UNC13D: variants seen among roughly 807,000 people sequenced by gnomAD.
UNC13D encodes unc-13 homolog D, also known as protein unc-13 homolog D.
In UNC13D, 115 loss-of-function variants were observed where a neutral mutation model predicts 151.7. The observed-to-expected ratio is 0.76, with a 90% CI of 0.65 to 0.88. The LOEUF is 0.88. UNC13D is among the 40% of genes least tolerant of loss of function. UNC13D has a pLI of 0.00. For synonymous variants in UNC13D, 588 were observed against 612.2 expected, an observed-to-expected ratio of 0.96 and a Z score of 0.58; for missense variants, 1,369 against 1,438.7, an observed-to-expected ratio of 0.95 and a Z score of 0.78.
rs1567822165 is a variant in UNC13D at position 75,842,458 on chromosome 17, G to A, written c.544C>T (p.Pro182Ser). ...AGGATGAAGGTCTCGTCCCAGACGG[G>A]GTTGAGTGTCTGGGTGATGACCTGC... ...RTQVITQTLN[P>S]VWDETFILEF... Residue 182 changes from proline to serine, a missense_variant, in exon 6 of 32, where the codon CCC (proline) becomes TCC (serine). By Grantham distance (74) the Pro-to-Ser change is moderately conservative. Coordinates refer to ENST00000207549, the MANE Select transcript of UNC13D (RefSeq NM_199242.3). 5.0e-6 allele frequency: 8 copies of A among 1,613,232 alleles called. No individual in the cohort carries two copies. The highest frequency in any genetic ancestry group is 6.8e-6 in the Non-Finnish European group (8 of 1,179,828).
intron 2 of UNC13D, 71 bp from the exon 3 acceptor site, chr17:75,843,337 G>A: frequency 6.3e-7 from 1 of 1,587,940 alleles, no homozygotes; most frequent in Admixed American, 1.7e-5. Flanking sequence ...GCCATGGGCA[G>A]GACAAGGGCG....
At position 75,840,720 on chromosome 17, in the gene UNC13D, A is replaced by T; in HGVS notation, c.683+42T>A. The T allele has an allele frequency of 6.2e-7, 1 of 1,613,272 alleles. No homozygotes were observed. The highest frequency in any genetic ancestry group is 8.5e-7 in the Non-Finnish European group (1 of 1,179,650). On this transcript the variant is annotated intron_variant, in intron 8 of 31. Coordinates refer to ENST00000207549, the MANE Select transcript of UNC13D (RefSeq NM_199242.3). The surrounding 1 kb of genome is among the most constrained non-coding windows in gnomAD (Gnocchi z 4.6). ...GTGCATGTTGGGGGATGGAGGGCAA[A>T]AGGAGCCCCAACCCCTTCCCTGTGA... is the stretch of plus-strand genomic sequence containing the variant.
In UNC13D at chr17:75,836,668, G is replaced by C. The variant is rs758867274; in HGVS notation, c.1202C>G (p.Ser401Cys). ...GAGGGAGAGGCCGTAGGTCAGCAGGGAGCTGAATGAGGCGGCCAGCTCCTC... is the reference window on the plus strand; with the variant it reads ...GAGGGAGAGGCCGTAGGTCAGCAGGCAGCTGAATGAGGCGGCCAGCTCCTC... The part of the protein sequence containing the change: ...QQEELAASFS[S>C]LLTYGLSLIR... Residue 401 changes from serine (S) to cysteine (C), a missense_variant, in exon 14 of 32, where the codon TCC (serine) becomes TGC (cysteine). Physicochemically the swap from Ser to Cys is moderately radical, Grantham distance 112. Around this residue, in one of 3 missense-constraint regions of UNC13D, gnomAD observed 550 missense variants for 609.0 expected, o/e 0.90. Coordinates refer to ENST00000207549, the MANE Select transcript of UNC13D (RefSeq NM_199242.3). 5.6e-6 allele frequency: 9 copies of C among 1,613,750 alleles called. No individual in the cohort carries two copies. In the South Asian group the frequency reaches 8.8e-5, roughly 16 times the overall value.
rs1431281934 is a variant in UNC13D, at chr17:75,832,810, G to GA, written c.2447+155dup. The GA allele has an allele frequency of 1.4e-6, 1 of 694,988 alleles. No homozygotes were observed. The highest frequency in any genetic ancestry group is 2.8e-5 in the East Asian group (1 of 35,260). The allele number at this position is 694,988 out of a possible 1,614,324, so 43.1% of individuals were successfully genotyped here. A position where few individuals can be genotyped will look rare whatever the true frequency, so the allele number is the denominator to read the frequency against. Reference sequence around the variant, plus strand: ...CCTCAGAACGGATGCTGAGGCCCAGGAAAGAGGGGCCGTGGGAGGAGAGGG... The same window carrying GA: ...CCTCAGAACGGATGCTGAGGCCCAGGAAAAGAGGGGCCGTGGGAGGAGAGGG... On this transcript the variant is annotated intron_variant, in intron 25 of 31. Coordinates refer to ENST00000207549, the MANE Select transcript of UNC13D (RefSeq NM_199242.3). The surrounding 1 kb of genome is among the most constrained non-coding windows in gnomAD (Gnocchi z 4.3).
intron 12 of UNC13D, among the ~76,000 whole-genome samples, chr17:75,838,871 C>A (rs925616505): frequency 6.6e-6 from 1 of 152,164 alleles, no homozygotes; most frequent in Non-Finnish European, 1.5e-5. Context: ...GAGGCCAAGG[C>A]GGGCGGATCA....
In UNC13D at chr17:75,842,476, T is replaced by C. The variant is rs746667038; in HGVS notation, c.526A>G (p.Ile176Val). The C allele has an allele frequency of 6.2e-7, 1 of 1,613,456 alleles. No individual in the cohort carries two copies. The highest frequency in any genetic ancestry group is 1.1e-5 in the South Asian group (1 of 91,074). ...CAGACGGGGTTGAGTGTCTGGGTGATGACCTGCGTGCGGTGGGTCTCCTCC... is the reference window on the plus strand; with the variant it reads ...CAGACGGGGTTGAGTGTCTGGGTGACGACCTGCGTGCGGTGGGTCTCCTCC... ...PEEETHRTQVITQTLNPVWDE... is the reference protein window; with the variant it reads ...PEEETHRTQVVTQTLNPVWDE... The change falls in exon 6 of 32, where the codon ATC (isoleucine) becomes GTC (valine). Residue 176 changes from isoleucine to valine, a missense_variant. Physicochemically the swap from Ile to Val is conservative, Grantham distance 29 (BLOSUM62 3). Transcript: ENST00000207549.
rs121434352 is a variant in UNC13D, at chr17:75,840,317, G to A, written c.766C>T (p.Arg256Ter). 1.4e-5 allele frequency: 23 copies of A among 1,613,588 alleles called. No individual in the cohort carries two copies. The highest frequency in any genetic ancestry group is 1.7e-5 in the Non-Finnish European group (20 of 1,180,006). Residue 256 changes from arginine to a stop codon, truncating the protein, a stop_gained, in exon 10 of 32, where the codon CGA becomes TGA. Transcript: ENST00000207549. LOFTEE classifies it high-confidence loss of function. This position sits in a 1 kb window ranked among gnomAD's most constrained non-coding sequence, Gnocchi z 4.6. ...VVLRLQDLRCREDQWYPLEPR... is the reference protein window; with the variant it reads ...VVLRLQDLRC Reference sequence around the variant, plus strand: ...TCCAGGGGGTACCACTGGTCCTCTCGGCAGCGCAGGTCCTGACAGGCGGGG... The same window carrying A: ...TCCAGGGGGTACCACTGGTCCTCTCAGCAGCGCAGGTCCTGACAGGCGGGG...
chr17:75,842,530 T>C lies in UNC13D; in HGVS notation c.472A>G (p.Lys158Glu), dbSNP rs746613799. ...GGSPGSRHRQ[K>E]AVVRHTIPEE... ...GGGATGGTGTGCCTCACCACAGCCT[T>C]CTGCCGATGCCGGGACCCGGGGCTG... The change falls in exon 6 of 32, where the codon AAG (lysine) becomes GAG (glutamate). Residue 158 changes from lysine to glutamate, a missense_variant. Lys to Glu is a moderately conservative substitution (Grantham distance 56). Coordinates refer to ENST00000207549, the MANE Select transcript of UNC13D (RefSeq NM_199242.3). 1 of 1,612,856 alleles carries C rather than the reference T, an allele frequency of 6.2e-7. No homozygotes were observed. The highest frequency in any genetic ancestry group is 2.2e-5 in the East Asian group (1 of 44,864).
At chr17:75,830,933 T>G (rs2064867817) in intron 27 of UNC13D, among the ~76,000 whole-genome samples, 165 bp downstream of exon 27, 1 of 152,114 alleles carries the variant, frequency 6.6e-6, no homozygotes, top group African/African-American at 2.4e-5. Context: ...TGGTTTCAGG[T>G]TCTGTCGTCA....
At chr17:75,835,572 C>A in intron 19 of UNC13D, 43 bp from the exon 20 acceptor site, 2 of 1,608,358 alleles carry the variant, frequency 1.2e-6, no homozygotes, top group Non-Finnish European at 8.5e-7. Flanking sequence ...CTGGGGCCAC[C>A]ATGGACCCTG....
intron 12 of UNC13D, among the ~76,000 whole-genome samples, 160 bp from the exon 13 acceptor site, chr17:75,837,078 T>A (rs2064914638): frequency 6.6e-6 from 1 of 151,432 alleles, no homozygotes; most frequent in Non-Finnish European, 1.5e-5. Flanking sequence ...TTGTGTTTTT[T>A]TTTTTGAGAT....
At position 75,835,446 on chromosome 17, in the gene UNC13D, G is replaced by A. The variant is rs1358177458; in HGVS notation, c.1811C>T (p.Ala604Val). The A allele has an allele frequency of 4.3e-6, 7 of 1,612,824 alleles. No homozygotes were observed. Among genetic ancestry groups the A allele is most frequent in the Non-Finnish European group, 5.9e-6 (7 of 1,179,772 alleles). The change falls in exon 20 of 32, where the codon GCC (alanine) becomes GTC (valine). Residue 604 changes from alanine (A) to valine (V), a missense_variant. This residue lies in a region of UNC13D where 807 missense variants were observed against 795.5 expected (regional missense o/e 1.01). Transcript: ENST00000207549. ...CACAGCGCGCTGCACCCGCGCCAGG[G>A]CCTCGTTGTACGTCTTCTGCAGCCA... ...PSWLQKTYNE[A>V]LARVQRAVQM...
At chr17:75,839,042 G>A (rs1206604623) in intron 12 of UNC13D, among the ~76,000 whole-genome samples, 1 of 151,460 alleles carries the variant, frequency 6.6e-6, no homozygotes, top group Non-Finnish European at 1.5e-5. Flanking sequence ...GGAGCCTGCA[G>A]TGAGCCAAGA....
intron 12 of UNC13D, among the ~76,000 whole-genome samples, chr17:75,839,406 CAA>C (rs34913290): frequency 0.18 from 19,755 of 110,698 alleles, 1,971 homozygotes; most frequent in East Asian, 0.38. Flanking sequence ...AACTCCGTTT[CAA>C]AAAAAAAAAA....
rs7223416 is a variant in UNC13D, at chr17:75,840,081, C to G, written c.888G>C (p.Pro296=). The G allele has an allele frequency of 0.35, 562,183 of 1,612,518 alleles. 107,485 individuals are homozygous for G. The highest frequency in any genetic ancestry group is 0.8 in the African/African-American group (59,699 of 74,990). The change falls in exon 11 of 32, where the codon CCG becomes CCC. Residue 296 remains proline, a synonymous_variant. Transcript: ENST00000207549. This position sits in a 1 kb window ranked among gnomAD's most constrained non-coding sequence, Gnocchi z 4.6. ...GGAGGTGGAGGTGCACGGTGTAGCTCGGCTGCGAGCGGCTGGCCGAAGTGG... is the reference window on the plus strand; with the variant it reads ...GGAGGTGGAGGTGCACGGTGTAGCTGGGCTGCGAGCGGCTGGCCGAAGTGG... ...RRATSASRSQ[P]SYTVHLHLLQ... is the part of the protein sequence containing the mutation.
chr17:75,843,943 C>T, intron 1 of UNC13D: 1 of 1,390,768 alleles, frequency 7.2e-7, no homozygotes, highest in South Asian at 1.6e-5. Context: ...GTCGGCTCTT[C>T]TGAAGCTGGA....
rs1056602334 is a variant in UNC13D at position 75,832,820 on chromosome 17, C to T, written c.2447+146G>A. Reference sequence around the variant, plus strand: ...GATGCTGAGGCCCAGGAAAGAGGGGCCGTGGGAGGAGAGGGGGAGGTGGCG... The same window carrying T: ...GATGCTGAGGCCCAGGAAAGAGGGGTCGTGGGAGGAGAGGGGGAGGTGGCG... On this transcript the variant is annotated intron_variant, in intron 25 of 31. Coordinates refer to ENST00000207549, the MANE Select transcript of UNC13D (RefSeq NM_199242.3). The surrounding 1 kb of genome is among the most constrained non-coding windows in gnomAD (Gnocchi z 4.3). The T allele has an allele frequency of 2.8e-6, 2 of 717,174 alleles. No homozygotes were observed. Among genetic ancestry groups the T allele is most frequent in the Non-Finnish European group, 4.8e-6 (2 of 413,156 alleles). 44.4% of individuals were successfully genotyped at this position (717,174 alleles called of 1,614,324 possible).
Position 75,838,346 on chromosome 17 carries a change from G to A in UNC13D, c.1056-1428C>T, listed in dbSNP as rs150963422. Among the ~76,000 whole-genome samples the A allele has an allele frequency of 1.4e-3, 206 of 152,026 alleles. 6 individuals carry two copies. The East Asian group carries it at 0.037, about 27-fold the overall frequency. On this transcript the variant is annotated intron_variant, in intron 12 of 31. Coordinates refer to ENST00000207549, the MANE Select transcript of UNC13D (RefSeq NM_199242.3). Reference sequence around the variant, plus strand: ...TGATTCTCGTGCCTCACCCTCCCGAGTAGCTGGGATTACAGACATGCGCCC... The same window carrying A: ...TGATTCTCGTGCCTCACCCTCCCGAATAGCTGGGATTACAGACATGCGCCC...
chr17:75,844,167 C>T (rs1002767020), intron 1 of UNC13D, 54 bp downstream of exon 1: 69 of 1,597,538 alleles, frequency 4.3e-5, no homozygotes, highest in Admixed American at 3.8e-4. Context: ...CACCCGTACC[C>T]GAGACCACAG....
Sources: gnomAD v4.1 joint callset for allele counts (sites outside exome capture counted in the v4.1 genomes callset) on GRCh38, gnomAD v4.1.1 for gene constraint, gnomAD v4.1.1 regional missense constraint, Gnocchi (gnomAD v3.1) non-coding constraint, MANE v1.5 for transcripts, NCBI Gene and HGNC (gene_info 2026-07-23, HGNC 2026-07-21) for gene names.